The following SPIDR variants were observed in gnomAD, a reference collection of about 807,000 sequenced individuals.
The protein encoded by SPIDR is DNA repair-scaffolding protein.
In SPIDR, 93 loss-of-function variants were observed where a neutral mutation model predicts 104.6. The ratio of observed to expected loss-of-function variants is 0.89; its 90% CI spans 0.75 to 1.06. The LOEUF is 1.06. SPIDR is among the 50% of genes least tolerant of loss of function. The pLI, the probability that SPIDR is intolerant of heterozygous loss-of-function variation, is 0.00. For missense variants in SPIDR, 1,154 were observed against 1,111.2 expected (o/e 1.04, Z -0.55); for synonymous variants, 431 against 416.9 (o/e 1.03, Z -0.41).
intron 10 of SPIDR, among the ~76,000 whole-genome samples, chr8:47,658,697 G>A (rs2073433521): frequency 6.6e-6 from 1 of 151,982 alleles, no homozygotes; most frequent in African/African-American, 2.4e-5. Flanking sequence ...CACTTTGGGA[G>A]GTCGAGGCCA....
Position 47,592,341 on chromosome 8 carries a change from G to A in SPIDR, c.1098-3470G>A, listed in dbSNP as rs542191007. 3.0e-5 allele frequency: 36 copies of A among 1,193,196 alleles called. No individual in the cohort carries two copies. In the South Asian group the frequency reaches 3.4e-4, roughly 11 times the overall value. 73.9% of individuals were successfully genotyped at this position (1,193,196 alleles called of 1,614,324 possible). A position where few individuals can be genotyped will look rare whatever the true frequency, so the allele number is the denominator to read the frequency against. Reference sequence around the variant, plus strand: ...GGGACCAGTTACCTTTCAAAATATCGAAACATATTCTTCCCAACTTGTCTA... The same window carrying A: ...GGGACCAGTTACCTTTCAAAATATCAAAACATATTCTTCCCAACTTGTCTA... On this transcript the variant is annotated intron_variant, in intron 8 of 19. Coordinates refer to ENST00000297423, the MANE Select transcript of SPIDR (RefSeq NM_001080394.4).
chr8:47,548,089 A>G (rs1587559149), intron 8 of SPIDR, among the ~76,000 whole-genome samples: 1 of 152,054 alleles, frequency 6.6e-6, no homozygotes, highest in African/African-American at 2.4e-5. Context: ...TGTTTGACTC[A>G]TAGATATTTT....
At chr8:47,667,296 A>G (rs1226774495) in intron 10 of SPIDR, among the ~76,000 whole-genome samples, 2 of 152,040 alleles carry the variant, frequency 1.3e-5, no homozygotes. Context: ...AATAAATAAA[A>G]ATAAACAAAA....
At chr8:47,330,371 G>A (rs146867365) in intron 5 of SPIDR, among the ~76,000 whole-genome samples, 3 of 152,066 alleles carry the variant, frequency 2.0e-5, no homozygotes, top group East Asian at 3.9e-4. Context: ...TCTTTCTTAC[G>A]CAAAGTCACT....
intron 1 of SPIDR, among the ~76,000 whole-genome samples, chr8:47,262,811 T>C (rs1371241432): frequency 1.3e-5 from 2 of 152,176 alleles, no homozygotes; most frequent in Non-Finnish European, 2.9e-5. Context: ...TTATTTTTTG[T>C]TTCTGTCTCC....
intron 8 of SPIDR, among the ~76,000 whole-genome samples, chr8:47,495,390 A>C (rs914555821): frequency 7.5e-5 from 10 of 132,852 alleles, no homozygotes; most frequent in African/African-American, 3.3e-4. Context: ...CTCCCACCCA[A>C]AAAAAAAAAA....
intron 10 of SPIDR, among the ~76,000 whole-genome samples, chr8:47,602,314 C>T (rs759593125): frequency 2.0e-5 from 3 of 152,194 alleles, no homozygotes; most frequent in Non-Finnish European, 4.4e-5. Flanking sequence ...AGCAGTGACC[C>T]CTTTCAACTA....
At position 47,564,939 on chromosome 8, in the gene SPIDR, C is replaced by T. The variant is rs1180460548; in HGVS notation, c.1098-30872C>T. On this transcript the variant is annotated intron_variant, in intron 8 of 19. Transcript: ENST00000297423. ...GATTTATTTTATTTTAGGCTTATTG[C>T]CTTTGTGTAAAAGAAATTCATTGAC... Among the ~76,000 whole-genome samples the T allele has an allele frequency of 2.6e-5, 4 of 151,980 alleles. No individual in the cohort carries two copies. The East Asian group carries it at 7.7e-4, about 29-fold the overall frequency.
chr8:47,647,647 A>AGGGAGAGAGAGAGAGG (rs2070726234), intron 10 of SPIDR, among the ~76,000 whole-genome samples: 1 of 144,656 alleles, frequency 6.9e-6, no homozygotes. Context: ...AGAGAGAGAG[A>AGGGAGAGAGAGAGAGG]GAGAGAGGGA....
intron 8 of SPIDR, among the ~76,000 whole-genome samples, chr8:47,494,025 C>T (rs2079094848): frequency 6.6e-6 from 1 of 152,116 alleles, no homozygotes; most frequent in Non-Finnish European, 1.5e-5. Flanking sequence ...CTTCCCCTCA[C>T]CTCCCCAGGC....
intron 8 of SPIDR, among the ~76,000 whole-genome samples, chr8:47,503,939 C>T (rs1474184941): frequency 6.6e-6 from 1 of 152,160 alleles, no homozygotes; most frequent in Non-Finnish European, 1.5e-5. Context: ...AAATTCTTTT[C>T]TTTAAGAATG....
intron 10 of SPIDR, among the ~76,000 whole-genome samples, chr8:47,655,366 C>T (rs2072558505): frequency 6.6e-6 from 1 of 152,232 alleles, no homozygotes; most frequent in Non-Finnish European, 1.5e-5. Context: ...TCCTGTTTCT[C>T]CACATCCTCT....
At chr8:47,479,409 A>C (rs1418946662) in intron 8 of SPIDR, among the ~76,000 whole-genome samples, 2 of 152,124 alleles carry the variant, frequency 1.3e-5, no homozygotes, top group Non-Finnish European at 1.5e-5. Context: ...GTGGAGCACA[A>C]TTCTGTCTTA....
chr8:47,416,593 A>G (rs1011497516), intron 7 of SPIDR, among the ~76,000 whole-genome samples: 1 of 152,212 alleles, frequency 6.6e-6, no homozygotes, highest in Admixed American at 6.5e-5. Context: ...TTTCATTAAA[A>G]AAGGCATAAG....
At chr8:47,688,753 A>G (rs536515041) in intron 11 of SPIDR, among the ~76,000 whole-genome samples, 19 of 152,234 alleles carry the variant, frequency 1.2e-4, no homozygotes, top group Non-Finnish European at 2.8e-4. Flanking sequence ...ATAGTGCTAA[A>G]CTGTCTTCCA....
intron 8 of SPIDR, among the ~76,000 whole-genome samples, chr8:47,551,066 T>G (rs1191123870): frequency 1.3e-5 from 2 of 152,234 alleles, no homozygotes; most frequent in Non-Finnish European, 2.9e-5. Flanking sequence ...ATGTGATGGA[T>G]TACATTTATT....
chr8:47,735,124 GT>G (rs2086056885), intron 19 of SPIDR, among the ~76,000 whole-genome samples, 182 bp from the exon 20 acceptor site: 1 of 149,194 alleles, frequency 6.7e-6, no homozygotes, highest in Non-Finnish European at 1.5e-5. Flanking sequence ...GTGTGTGTGT[GT>G]GTGTGTGTGT....
At position 47,413,944 on chromosome 8, in the gene SPIDR, T is replaced by C. The variant is rs143482284; in HGVS notation, c.877+5983T>C. Among the ~76,000 whole-genome samples, 30 of 152,306 alleles carry C rather than the reference T, an allele frequency of 2.0e-4. No homozygotes were observed. The East Asian group carries it at 5.8e-3, about 29-fold the overall frequency. On this transcript the variant is annotated intron_variant, in intron 7 of 19. Coordinates refer to ENST00000297423, the MANE Select transcript of SPIDR (RefSeq NM_001080394.4). ...GTTACTCTGTTTGGGCTGGAGAAAGTTAGGCTTAAGAAGACAAGGGATTGA... is the reference window on the plus strand; with the variant it reads ...GTTACTCTGTTTGGGCTGGAGAAAGCTAGGCTTAAGAAGACAAGGGATTGA...
chr8:47,721,298 AT>A (rs1196498346), intron 16 of SPIDR, among the ~76,000 whole-genome samples: 1 of 151,988 alleles, frequency 6.6e-6, no homozygotes, highest in Non-Finnish European at 1.5e-5. Context: ...GTCTAGATTC[AT>A]TTTTTTGCCT....
Sources: allele counts gnomAD v4.1 joint callset (sites outside exome capture counted in the v4.1 genomes callset), GRCh38; gene constraint gnomAD v4.1.1; transcripts MANE v1.5; gene names NCBI Gene and HGNC (gene_info 2026-07-23, HGNC 2026-07-21).